NECAB1: variants seen among roughly 807,000 people sequenced by gnomAD.
The protein encoded by NECAB1 is N-terminal EF-hand calcium-binding protein 1.
Under a neutral mutation model 57.5 loss-of-function variants are expected in NECAB1, and 29 were observed. The observed-to-expected ratio is 0.50, with a 90% CI of 0.38 to 0.69. NECAB1 has a LOEUF of 0.69. Ranked by LOEUF, NECAB1 falls within the 30% of genes least tolerant of loss-of-function variation. NECAB1 has a pLI of 0.00. For missense variants in NECAB1, 372 were observed against 413.8 expected (o/e 0.90, Z 0.88); for synonymous variants, 142 against 147.7 (o/e 0.96, Z 0.28).
chr8:90,928,136 G>C, intron 7 of NECAB1, 87 bp from the exon 8 acceptor site: 1 of 972,224 alleles, frequency 1.0e-6, no homozygotes, highest in Middle Eastern at 2.1e-4. Context: ...CTTTCCTTCA[G>C]GGTTGAAGGA....
At chr8:90,856,325 A>T (rs921506718) in intron 3 of NECAB1, among the ~76,000 whole-genome samples, 21 of 151,840 alleles carry the variant, frequency 1.4e-4, no homozygotes, top group Non-Finnish European at 2.2e-4. Flanking sequence ...TTCTTTTTTT[A>T]AAAAAAAGTG....
rs954693219 is a variant in NECAB1 at position 90,940,903 on chromosome 8, G to A, written c.860+5G>A. On this transcript the variant is annotated splice_donor_5th_base_variant and intron_variant, in intron 10 of 12. Coordinates refer to ENST00000417640, the MANE Select transcript of NECAB1 (RefSeq NM_022351.5). Reference sequence around the variant, plus strand: ...CTCCCAAAGTGGATGCTTGCGGTAAGTGCTCCGACTCCTGCACCTTAGGCC... The same window carrying A: ...CTCCCAAAGTGGATGCTTGCGGTAAATGCTCCGACTCCTGCACCTTAGGCC... The A allele has an allele frequency of 9.7e-6, 15 of 1,553,014 alleles. No homozygotes were observed. The highest frequency in any genetic ancestry group is 1.1e-5 in the Non-Finnish European group (13 of 1,146,826).
At chr8:90,844,247 G>A (rs976643652) in intron 3 of NECAB1, among the ~76,000 whole-genome samples, 3 of 152,004 alleles carry the variant, frequency 2.0e-5, no homozygotes, top group African/African-American at 7.3e-5. Flanking sequence ...CATCAGCAGG[G>A]GTGTCTTCAT....
At chr8:90,826,809 G>A (rs1047340474) in intron 3 of NECAB1, among the ~76,000 whole-genome samples, 2 of 151,518 alleles carry the variant, frequency 1.3e-5, no homozygotes, top group African/African-American at 4.8e-5. Flanking sequence ...TATTAATTTG[G>A]ATTACTTGGC....
chr8:90,885,242 A>G (rs1808949446), intron 5 of NECAB1, among the ~76,000 whole-genome samples: 1 of 152,174 alleles, frequency 6.6e-6, no homozygotes, highest in African/African-American at 2.4e-5. Flanking sequence ...GCTAAGGTGG[A>G]TATGCTAGGA....
intron 3 of NECAB1, among the ~76,000 whole-genome samples, chr8:90,861,804 G>T (rs190683891): frequency 6.6e-6 from 1 of 152,270 alleles, no homozygotes; most frequent in Admixed American, 6.5e-5. Context: ...CACACATCTG[G>T]TAAATGGGAG....
intron 3 of NECAB1, chr8:90,859,238 G>C (rs1305219969): frequency 6.6e-6 from 1 of 152,238 alleles, no homozygotes; most frequent in Non-Finnish European, 1.5e-5. Flanking sequence ...TGAGCCACAA[G>C]CACTGCAATC....
intron 3 of NECAB1, among the ~76,000 whole-genome samples, chr8:90,842,127 C>A (rs766720361): frequency 4.9e-4 from 75 of 152,092 alleles, no homozygotes; most frequent in Non-Finnish European, 9.3e-4. Flanking sequence ...GTGCAGTAAA[C>A]CACCATGGCA....
At chr8:90,803,168 A>G (rs1411798150) in intron 2 of NECAB1, among the ~76,000 whole-genome samples, 1 of 152,164 alleles carries the variant, frequency 6.6e-6, no homozygotes, top group Non-Finnish European at 1.5e-5. Flanking sequence ...AAGTGCCGGG[A>G]TTACAAGCAT....
intron 6 of NECAB1, among the ~76,000 whole-genome samples, chr8:90,921,039 C>A (rs923167131): frequency 3.9e-5 from 6 of 152,206 alleles, no homozygotes; most frequent in African/African-American, 1.2e-4. Context: ...TGTTTTGAGA[C>A]AAAGTCTCAC....
Position 90,955,707 on chromosome 8 carries a change from C to G in NECAB1, c.*195C>G, listed in dbSNP as rs1811019069. ...ATTTTAGCTCAATTTTCAAAGTTCACTAATATTCTCAATATTTAATGCTAA... is the reference window on the plus strand; with the variant it reads ...ATTTTAGCTCAATTTTCAAAGTTCAGTAATATTCTCAATATTTAATGCTAA... On this transcript the variant is annotated 3_prime_UTR_variant, in exon 13 of 13. Coordinates refer to ENST00000417640, the MANE Select transcript of NECAB1 (RefSeq NM_022351.5). 1 of 471,484 alleles carries G rather than the reference C, an allele frequency of 2.1e-6. No individual in the cohort carries two copies. Among genetic ancestry groups the G allele is most frequent in the Non-Finnish European group, 3.7e-6 (1 of 268,864 alleles). The allele number at this position is 471,484 out of a possible 1,614,324, so 29.2% of individuals were successfully genotyped here. A position where few individuals can be genotyped will look rare whatever the true frequency, so the allele number is the denominator to read the frequency against.
Position 90,956,154 on chromosome 8 carries a change from C to A in NECAB1, c.*642C>A, listed in dbSNP as rs1049531745. On this transcript the variant is annotated 3_prime_UTR_variant, in exon 13 of 13. Coordinates refer to ENST00000417640, the MANE Select transcript of NECAB1 (RefSeq NM_022351.5). ...AACAATCCTGTGATAAGTTGGAGTA[C>A]CATTTAGTAATACAGCAACATTGTG... The A allele has an allele frequency of 6.6e-6, 1 of 151,906 alleles. No homozygotes were observed. Among genetic ancestry groups the A allele is most frequent in the African/African-American group, 2.4e-5 (1 of 41,398 alleles). 9.4% of individuals were successfully genotyped at this position (151,906 alleles called of 1,614,324 possible).
chr8:90,901,238 A>T (rs1809496091), intron 5 of NECAB1, among the ~76,000 whole-genome samples: 1 of 151,286 alleles, frequency 6.6e-6, no homozygotes, highest in Non-Finnish European at 1.5e-5. Context: ...TCTCTGTTAA[A>T]AAAAAAAAAA....
intron 6 of NECAB1, among the ~76,000 whole-genome samples, chr8:90,920,317 T>G (rs2130135920): frequency 6.6e-6 from 1 of 152,232 alleles, no homozygotes; most frequent in South Asian, 2.1e-4. Context: ...GCCCGTAATA[T>G]CTGATGAACC....
chr8:90,926,112 C>G (rs1054205612), intron 7 of NECAB1, among the ~76,000 whole-genome samples: 8 of 152,180 alleles, frequency 5.3e-5, no homozygotes, highest in African/African-American at 1.9e-4. Flanking sequence ...ATAAGATTTA[C>G]TGGGCTAAAC....
chr8:90,797,934 T>C (rs1228180522), intron 1 of NECAB1, among the ~76,000 whole-genome samples: 1 of 152,154 alleles, frequency 6.6e-6, no homozygotes, highest in Non-Finnish European at 1.5e-5. Flanking sequence ...TTGTATTAGT[T>C]TCCTAGGGCT....
At chr8:90,883,062 T>C (rs1196880802) in intron 5 of NECAB1, among the ~76,000 whole-genome samples, 2 of 152,294 alleles carry the variant, frequency 1.3e-5, no homozygotes, top group African/African-American at 4.8e-5. Flanking sequence ...CTCAGAAATA[T>C]GCACTAAAAT....
intron 6 of NECAB1, among the ~76,000 whole-genome samples, chr8:90,921,321 T>C (rs1038539036): frequency 3.9e-5 from 6 of 151,944 alleles, no homozygotes; most frequent in African/African-American, 1.4e-4. Context: ...AGCCAATTCA[T>C]CAGTTTTTTT....
chr8:90,824,576 C>T, intron 2 of NECAB1, 141 bp from the exon 3 acceptor site: 2 of 468,946 alleles, frequency 4.3e-6, no homozygotes, highest in Non-Finnish European at 3.8e-6. Flanking sequence ...AATTATTTTT[C>T]TTTTTAACAC....
Sources: gnomAD v4.1 joint callset for allele counts (sites outside exome capture counted in the v4.1 genomes callset) on GRCh38, gnomAD v4.1.1 for gene constraint, MANE v1.5 for transcripts, NCBI Gene and HGNC (gene_info 2026-07-23, HGNC 2026-07-21) for gene names.